The following UBE3B variants were observed in gnomAD, a reference collection of about 807,000 sequenced individuals.
UBE3B encodes the protein ubiquitin-protein ligase E3B.
A neutral mutation model predicts 132.3 loss-of-function variants in UBE3B; 80 were observed. The observed-to-expected ratio is 0.60, with a 90% confidence interval of 0.50 to 0.73. The LOEUF (loss-of-function observed/expected upper bound fraction) is 0.73, where lower values mean the gene tolerates loss of function less well. Ranked by LOEUF, UBE3B falls within the 30% of genes least tolerant of loss-of-function variation. UBE3B has a pLI of 0.00. For synonymous variants in UBE3B, 487 were observed against 520.4 expected, an observed-to-expected ratio of 0.94 and a Z score of 0.87; for missense variants, 1,196 against 1,362.5, an observed-to-expected ratio of 0.88 and a Z score of 1.92.
At position 109,511,285 on chromosome 12, in the gene UBE3B, T is replaced by C. The variant is rs1880340541; in HGVS notation, c.1938T>C (p.His646=). The change falls in exon 18 of 28, where the codon CAT becomes CAC. Residue 646 remains histidine, a synonymous_variant. Coordinates refer to ENST00000342494, the MANE Select transcript of UBE3B (RefSeq NM_130466.4). The part of the protein sequence containing the change: ...RAQLILQYIP[H]VIPHKNRVLL... ...AGTTGATCCTGCAGTACATCCCACA[T>C]GTCATCCCTCACAAAAACGTGAGTT... is the stretch of plus-strand genomic sequence containing the variant. 1.2e-6 allele frequency: 2 copies of C among 1,614,042 alleles called. No homozygotes were observed. The highest frequency in any genetic ancestry group is 1.1e-5 in the South Asian group (1 of 91,086).
Position 109,529,962 on chromosome 12 carries a change from T to G in UBE3B, c.2700T>G (p.Ile900Met). ...TQIKNQTAAL[I>M]SGFRSIIKPE... ...TAAAAAACCAAACAGCTGCCCTCAT[T>G]AGCGGATTCCGTTCCATTATCAAAC... Residue 900 changes from isoleucine to methionine, a missense_variant, in exon 25 of 28, where the codon ATT becomes ATG. Transcript: ENST00000342494. The G allele has an allele frequency of 1.9e-6, 3 of 1,614,140 alleles. No homozygotes were observed. Among genetic ancestry groups the G allele is most frequent in the Non-Finnish European group, 2.5e-6 (3 of 1,180,024 alleles).
chr12:109,539,327 G>A (rs190308709), downstream of UBE3B, among the ~76,000 whole-genome samples: 11 of 152,370 alleles, frequency 7.2e-5, no homozygotes, highest in East Asian at 1.9e-3. Flanking sequence ...GGGTCAGAAT[G>A]GCATCCTTTG....
chr12:109,491,433 T>G, intron 9 of UBE3B: 3 of 249,206 alleles, frequency 1.2e-5, no homozygotes, highest in Non-Finnish European at 2.3e-5. Context: ...TTTTGAAGTT[T>G]TAATTGACAA....
chr12:109,517,916 G>C (rs11067032), intron 19 of UBE3B: 2 of 445,142 alleles, frequency 4.5e-6, no homozygotes, highest in Non-Finnish European at 9.1e-6. Flanking sequence ...CCTTACTGGA[G>C]AGCTTGTTTG....
chr12:109,529,564 G>C (rs937971200), intron 24 of UBE3B, among the ~76,000 whole-genome samples: 4 of 152,226 alleles, frequency 2.6e-5, no homozygotes, highest in African/African-American at 9.6e-5. Flanking sequence ...TTTGTACTAA[G>C]AAGGGCCCTC....
the UBE3B span, among the ~76,000 whole-genome samples, chr12:109,543,237 CCAAA>C: frequency 8.5e-5 from 13 of 152,324 alleles, no homozygotes; most frequent in South Asian, 2.1e-4. Context: ...GACACTGGAG[CCAAA>C]CAGTCTCCAC....
chr12:109,547,737 T>C, the UBE3B span, among the ~76,000 whole-genome samples: 1 of 152,072 alleles, frequency 6.6e-6, no homozygotes, highest in African/African-American at 2.4e-5. This position sits in a 1 kb window ranked among gnomAD's most constrained non-coding sequence, Gnocchi z 4.1. Flanking sequence ...AATAAGTCCT[T>C]GCACAGACCC....
At position 109,533,571 on chromosome 12, in the gene UBE3B, G is replaced by T; in HGVS notation, c.3015+13G>T. The T allele has an allele frequency of 6.2e-7, 1 of 1,609,362 alleles. No individual in the cohort carries two copies. The highest frequency in any genetic ancestry group is 8.5e-7 in the Non-Finnish European group (1 of 1,177,532). ...GTCGGACGATCAGGTACCCCCACGG[G>T]GTGGGTGGGGAAGAGCCTTGACTTC... On this transcript the variant is annotated intron_variant, in intron 27 of 27. Transcript: ENST00000342494.
chr12:109,488,813 A>AC, intron 7 of UBE3B, 145 bp downstream of exon 7: 1 of 702,056 alleles, frequency 1.4e-6, no homozygotes, highest in Non-Finnish European at 2.5e-6. Context: ...CTTGGTGCTG[A>AC]CCATCAGACT....
At chr12:109,499,849 C>G in intron 12 of UBE3B, 39 bp downstream of exon 12, 3 of 1,482,342 alleles carry the variant, frequency 2.0e-6, no homozygotes, top group Non-Finnish European at 2.7e-6. Context: ...TCCTGCCTCT[C>G]TCCCACCATC....
At chr12:109,511,856 C>A (rs1179764546) in intron 18 of UBE3B, among the ~76,000 whole-genome samples, 3 of 152,082 alleles carry the variant, frequency 2.0e-5, no homozygotes, top group Admixed American at 6.5e-5. Context: ...TGGCTAGAGG[C>A]AGGGGTGTTA....
At chr12:109,504,205 G>A (rs992499835) in intron 14 of UBE3B, among the ~76,000 whole-genome samples, 3 of 152,216 alleles carry the variant, frequency 2.0e-5, no homozygotes, top group Non-Finnish European at 2.9e-5. Flanking sequence ...GGGCTGTCTT[G>A]TGTGTTTTGG....
intron 11 of UBE3B, among the ~76,000 whole-genome samples, chr12:109,498,961 G>A (rs1878593315): frequency 6.6e-6 from 1 of 151,978 alleles, no homozygotes; most frequent in South Asian, 2.1e-4. Context: ...GAGTAGCTGG[G>A]ACTACAAGCG....
At chr12:109,545,163 C>T in the UBE3B span, among the ~76,000 whole-genome samples, 2 of 152,266 alleles carry the variant, frequency 1.3e-5, no homozygotes, top group Non-Finnish European at 2.9e-5. Context: ...TCCCATCCCA[C>T]TAGGGACACT....
intron 9 of UBE3B, among the ~76,000 whole-genome samples, chr12:109,492,896 T>C (rs967726160): frequency 6.6e-6 from 1 of 152,208 alleles, no homozygotes; most frequent in Non-Finnish European, 1.5e-5. Context: ...TCATGCCAAG[T>C]CTTCAAAACT....
chr12:109,533,819 G>A (rs1039995605), intron 27 of UBE3B: 25 of 944,846 alleles, frequency 2.6e-5, no homozygotes, highest in Non-Finnish European at 3.8e-5. Flanking sequence ...AGTGGGGGTG[G>A]GTACGTGCTG....
downstream of UBE3B, among the ~76,000 whole-genome samples, chr12:109,539,778 C>T (rs543697938): frequency 1.3e-5 from 2 of 152,282 alleles, no homozygotes; most frequent in African/African-American, 2.4e-5. Context: ...TGCTGGGCTT[C>T]GCTCAGCCCC....
intron 24 of UBE3B, among the ~76,000 whole-genome samples, chr12:109,527,280 C>T (rs1023930704): frequency 2.0e-5 from 3 of 152,172 alleles, no homozygotes; most frequent in East Asian, 3.8e-4. Flanking sequence ...GAAGCAAAAC[C>T]TCTCAGTGCA....
At position 109,534,980 on chromosome 12, in the gene UBE3B, C is replaced by T. The variant is rs1883309343; in HGVS notation, c.*198C>T. On this transcript the variant is annotated 3_prime_UTR_variant, in exon 28 of 28. Coordinates refer to ENST00000342494, the MANE Select transcript of UBE3B (RefSeq NM_130466.4). This position sits in a 1 kb window ranked among gnomAD's most constrained non-coding sequence, Gnocchi z 5.2. ...ACTACACAGCATCTCCAGGTGATGC[C>T]CAAGGCACAGGGCTGCAGAAAATAA... is the stretch of plus-strand genomic sequence containing the variant. The T allele has an allele frequency of 7.2e-6, 3 of 415,658 alleles. No homozygotes were observed. The highest frequency in any genetic ancestry group is 1.3e-5 in the Non-Finnish European group (3 of 238,336). The allele number at this position is 415,658 out of a possible 1,614,324, so 25.7% of individuals were successfully genotyped here.
Sources: gnomAD v4.1 joint callset for allele counts (sites outside exome capture counted in the v4.1 genomes callset) on GRCh38, gnomAD v4.1.1 for gene constraint, Gnocchi (gnomAD v3.1) non-coding constraint, MANE v1.5 for transcripts, NCBI Gene and HGNC (gene_info 2026-07-23, HGNC 2026-07-21) for gene names.